The following PARD3 variants were observed in gnomAD, a reference collection of about 807,000 sequenced individuals.
The protein encoded by PARD3 is par-3 family cell polarity regulator.
PARD3 carries 75 observed loss-of-function variants against 155.4 expected under a neutral mutation model. The ratio of observed to expected loss-of-function variants is 0.48; its 90% CI spans 0.40 to 0.58. The LOEUF is 0.58. Among genes scored for constraint, PARD3 ranks in the 20% least tolerant of loss-of-function variants. The pLI is 0.00. For synonymous variants in PARD3, 576 were observed against 610.5 expected (o/e 0.94, Z 0.83); for missense variants, 1,642 against 1,721.7 (o/e 0.95, Z 0.82).
chr10:34,345,679 T>A (rs1046796217), intron 15 of PARD3: 1 of 985,276 alleles, frequency 1.0e-6, no homozygotes, highest in South Asian at 4.7e-5. Flanking sequence ...AAAACATAAA[T>A]CCGAATTTTG....
intron 2 of PARD3, among the ~76,000 whole-genome samples, chr10:34,624,744 G>A: frequency 6.6e-6 from 1 of 152,236 alleles, no homozygotes; most frequent in Non-Finnish European, 1.5e-5. Context: ...AAACCCCACA[G>A]TGCCAGCTGC....
intron 1 of PARD3, among the ~76,000 whole-genome samples, chr10:34,763,754 C>T (rs1242105539): frequency 6.6e-6 from 1 of 152,128 alleles, no homozygotes; most frequent in South Asian, 2.1e-4. Context: ...GTACTGGAAC[C>T]CACATCTCCT....
chr10:34,635,952 C>A (rs574141085), intron 2 of PARD3, among the ~76,000 whole-genome samples: 1 of 151,806 alleles, frequency 6.6e-6, no homozygotes, highest in Non-Finnish European at 1.5e-5. Context: ...CACCTCCCAC[C>A]CCATATTCCC....
intron 2 of PARD3, among the ~76,000 whole-genome samples, chr10:34,562,951 G>A (rs1057307399): frequency 2.0e-5 from 3 of 151,638 alleles, no homozygotes; most frequent in African/African-American, 7.3e-5. Flanking sequence ...TTTATATTTT[G>A]TAGTGACAGG....
chr10:34,731,909 C>A (rs1182603627), intron 1 of PARD3, among the ~76,000 whole-genome samples: 1 of 152,134 alleles, frequency 6.6e-6, no homozygotes, highest in Non-Finnish European at 1.5e-5. Flanking sequence ...AATCCCAAGG[C>A]TCATTTTTCT....
intron 4 of PARD3, among the ~76,000 whole-genome samples, chr10:34,456,067 A>C (rs1485407336): frequency 6.6e-6 from 1 of 152,186 alleles, no homozygotes. Flanking sequence ...TGTGTTTATA[A>C]AGTTTTTATA....
At chr10:34,769,496 C>T (rs556081365) in intron 1 of PARD3, among the ~76,000 whole-genome samples, 1 of 152,002 alleles carries the variant, frequency 6.6e-6, no homozygotes, top group South Asian at 2.1e-4. Context: ...TGTCTAAAAC[C>T]ATACCTCCCG....
chr10:34,427,246 G>A (rs968294780), intron 5 of PARD3, among the ~76,000 whole-genome samples: 4 of 152,178 alleles, frequency 2.6e-5, no homozygotes, highest in Admixed American at 6.5e-5. Context: ...TACCGAAAAC[G>A]GGTAAGAGAA....
At chr10:34,420,482 ACT>A (rs1453011508) in intron 5 of PARD3, among the ~76,000 whole-genome samples, 2 of 152,120 alleles carry the variant, frequency 1.3e-5, no homozygotes, top group African/African-American at 4.8e-5. Context: ...TAAACAAATA[ACT>A]CAGAGATCAT....
At chr10:34,619,972 A>G (rs2091535711) in intron 2 of PARD3, among the ~76,000 whole-genome samples, 1 of 152,166 alleles carries the variant, frequency 6.6e-6, no homozygotes, top group Admixed American at 6.6e-5. Context: ...CCCTTCATGC[A>G]TTCACTCAAC....
intron 3 of PARD3, among the ~76,000 whole-genome samples, chr10:34,492,038 C>T (rs1433638415): frequency 6.6e-6 from 1 of 152,108 alleles, no homozygotes; most frequent in East Asian, 1.9e-4. Flanking sequence ...AGCAGAATGC[C>T]ATTTTCATTA....
At chr10:34,723,281 G>A (rs912118021) in intron 1 of PARD3, among the ~76,000 whole-genome samples, 9 of 152,150 alleles carry the variant, frequency 5.9e-5, no homozygotes, top group South Asian at 2.1e-4. Flanking sequence ...GCAACAGAGC[G>A]AGGCTCTGTC....
At chr10:34,276,417 A>G (rs564433216) in intron 21 of PARD3, among the ~76,000 whole-genome samples, 1 of 152,260 alleles carries the variant, frequency 6.6e-6, no homozygotes, top group South Asian at 2.1e-4. Flanking sequence ...TCAATTAATG[A>G]TTTTAATTCC....
chr10:34,761,852 T>C (rs1247745523), intron 1 of PARD3, among the ~76,000 whole-genome samples: 1 of 152,166 alleles, frequency 6.6e-6, no homozygotes, highest in Non-Finnish European at 1.5e-5. Context: ...ATGTATATCA[T>C]GATAAACGAA....
chr10:34,111,568 A>C lies in PARD3; in HGVS notation c.3669-6T>G. The C allele has an allele frequency of 6.3e-7, 1 of 1,589,916 alleles. No homozygotes were observed. The highest frequency in any genetic ancestry group is 8.6e-7 in the Non-Finnish European group (1 of 1,164,582). The stretch of plus-strand genomic sequence containing the variant: ...TGGCATTTTTCCTGCTTTGCCTAGA[A>C]AGCAAAACCCAAAGGTTAGTGTGAG... On this transcript the variant is annotated splice_region_variant and splice_polypyrimidine_tract_variant and intron_variant, in intron 24 of 24. Transcript: ENST00000374788.
At chr10:34,538,604 C>T (rs1245744174) in intron 2 of PARD3, among the ~76,000 whole-genome samples, 5 of 152,134 alleles carry the variant, frequency 3.3e-5, no homozygotes, top group South Asian at 2.1e-4. Flanking sequence ...AGTATGTGCT[C>T]GGGGGCTGCA....
At chr10:34,672,602 G>T (rs138545084) in intron 2 of PARD3, among the ~76,000 whole-genome samples, 4 of 152,318 alleles carry the variant, frequency 2.6e-5, no homozygotes, top group African/African-American at 9.6e-5. Flanking sequence ...AGGACTGCTC[G>T]AGGTCAGGAG....
intron 1 of PARD3, among the ~76,000 whole-genome samples, chr10:34,781,028 G>C (rs1004661923): frequency 6.6e-6 from 1 of 152,206 alleles, no homozygotes. Flanking sequence ...CTTGAACTTG[G>C]AGCAGGACAT....
intron 22 of PARD3, among the ~76,000 whole-genome samples, chr10:34,156,076 G>A (rs1365844622): frequency 6.6e-6 from 1 of 152,126 alleles, no homozygotes; most frequent in Non-Finnish European, 1.5e-5. Flanking sequence ...CTACAGATAA[G>A]TATTAAATTG....
Sources: allele counts gnomAD v4.1 joint callset (sites outside exome capture counted in the v4.1 genomes callset), GRCh38; gene constraint gnomAD v4.1.1; transcripts MANE v1.5; gene names NCBI Gene and HGNC (gene_info 2026-07-23, HGNC 2026-07-21).